Variants in PARP4 observed in about 807,000 individuals in gnomAD.
PARP4 encodes the protein protein mono-ADP-ribosyltransferase PARP4.
In PARP4, 120 loss-of-function variants were observed where a neutral mutation model predicts 187.7. The observed-to-expected ratio is 0.64, with a 90% CI of 0.55 to 0.74. PARP4 has a LOEUF of 0.74. Among genes scored for constraint, PARP4 ranks in the 30% least tolerant of loss-of-function variants. PARP4 has a pLI of 0.00. For synonymous variants in PARP4, 654 were observed against 740.9 expected (o/e 0.88, Z 1.90); for missense variants, 1,836 against 2,070.5 (o/e 0.89, Z 2.20).
At chr13:24,506,100 C>G (rs1869642996) in intron 1 of PARP4, among the ~76,000 whole-genome samples, 1 of 152,202 alleles carries the variant, frequency 6.6e-6, no homozygotes, top group South Asian at 2.1e-4. Flanking sequence ...TGCCTGGACC[C>G]TCGTGGTGAG....
intron 1 of PARP4, among the ~76,000 whole-genome samples, chr13:24,507,664 C>T (rs1459278922): frequency 1.3e-5 from 2 of 152,244 alleles, no homozygotes; most frequent in Admixed American, 1.3e-4. Flanking sequence ...CCTGTTGCGC[C>T]TGTGTTCAAT....
rs1342485588 is a variant in PARP4, at chr13:24,447,274, C to G, written c.3115-88G>C. 5.6e-6 allele frequency: 5 copies of G among 891,092 alleles called. No homozygotes were observed. In the African/African-American group the frequency reaches 1.1e-4, roughly 19 times the overall value. The allele number at this position is 891,092 out of a possible 1,614,324, so 55.2% of individuals were successfully genotyped here. On this transcript the variant is annotated intron_variant, in intron 25 of 33. Coordinates refer to ENST00000381989, the MANE Select transcript of PARP4 (RefSeq NM_006437.4). The stretch of plus-strand genomic sequence containing the variant: ...TTTAAAATAAAGTATACATTCTATC[C>G]TTTGGGAATTTTATAACTCTGGTAT...
intron 21 of PARP4, 151 bp downstream of exon 21, chr13:24,456,190 A>G: frequency 1.6e-6 from 1 of 622,960 alleles, no homozygotes; most frequent in South Asian, 2.5e-5. Context: ...GCTTGATATC[A>G]TAAATATTTT....
Position 24,435,163 on chromosome 13 carries a change from A to G in PARP4, c.3978T>C (p.Tyr1326=), listed in dbSNP as rs749225669. The G allele has an allele frequency of 6.8e-6, 11 of 1,614,202 alleles. No individual in the cohort carries two copies. The South Asian group carries it at 9.9e-5, about 14-fold the overall frequency. The change falls in exon 31 of 34, where the codon TAT becomes TAC. Residue 1326 remains tyrosine (Y), a synonymous_variant. Transcript: ENST00000381989. ...TGTGAGCGCGGGCAGTCGGGGGAAGATAGGAACCAACGGCCGGAGCCAAAA... is the reference window on the plus strand; with the variant it reads ...TGTGAGCGCGGGCAGTCGGGGGAAGGTAGGAACCAACGGCCGGAGCCAAAA... ...FPILAPAVGS[Y]LPPTARAHSP... is the part of the protein sequence containing the mutation.
At position 24,483,824 on chromosome 13, in the gene PARP4, G is replaced by A. The variant is rs149151593; in HGVS notation, c.1448+829C>T. Among the ~76,000 whole-genome samples, 758 of 152,162 alleles carry A rather than the reference G, an allele frequency of 5.0e-3. 8 individuals are homozygous for A. Among genetic ancestry groups the A allele is most frequent in the African/African-American group, 0.017 (723 of 41,520 alleles). On this transcript the variant is annotated intron_variant, in intron 12 of 33. Transcript: ENST00000381989. ...GTATTTTTATTAGAGATGGGGTTTC[G>A]CCACATTGGCCAGGCTGGTCTCGAA... is the stretch of plus-strand genomic sequence containing the variant.
chr13:24,441,357 A>T (rs1870915711), intron 30 of PARP4, among the ~76,000 whole-genome samples: 1 of 126,468 alleles, frequency 7.9e-6, no homozygotes, highest in African/African-American at 3.1e-5. Context: ...TAGAGACCTA[A>T]GAGGGTTGTC....
chr13:24,471,874 C>T (rs1178906740), intron 15 of PARP4, among the ~76,000 whole-genome samples: 1 of 152,118 alleles, frequency 6.6e-6, no homozygotes, highest in African/African-American at 2.4e-5. Flanking sequence ...ATTGAATAGC[C>T]ACTACACTGA....
At chr13:24,512,425 T>C (rs1282886974) in intron 1 of PARP4, among the ~76,000 whole-genome samples, 2 of 152,206 alleles carry the variant, frequency 1.3e-5, no homozygotes, top group African/African-American at 4.8e-5. Context: ...GTGCGGAGAC[T>C]TGGTGTGACT....
At chr13:24,508,311 T>A (rs111352618) in intron 1 of PARP4, among the ~76,000 whole-genome samples, 5 of 152,334 alleles carry the variant, frequency 3.3e-5, no homozygotes, top group African/African-American at 1.2e-4. Context: ...AAGTCCACCT[T>A]CAGATGGGTC....
Position 24,503,282 on chromosome 13 carries a change from T to C in PARP4, c.132+363A>G, listed in dbSNP as rs190120441. ...CCAGTATATCACCCCAGCGTTGACA[T>C]ACTGGTGAGTGACGACAGTGCGCTT... On this transcript the variant is annotated intron_variant, in intron 2 of 33. Transcript: ENST00000381989. Among the ~76,000 whole-genome samples the C allele has an allele frequency of 2.4e-3, 365 of 152,370 alleles. 1 individual carries two copies. Among genetic ancestry groups the C allele is most frequent in the African/African-American group, 7.6e-3 (318 of 41,600 alleles).
rs768981142 is a variant in PARP4 at position 24,442,676 on chromosome 13, G to C, written c.3457C>G (p.Gln1153Glu). ...TTAATAATCAGAGATTTCAAGGTTT[G>C]TTTTTTCATCTAGGATAGAATAAAA... is the stretch of plus-strand genomic sequence containing the variant. The part of the protein sequence containing the change: ...ENETSHEMKK[Q>E]TLKSLIIKLS... Residue 1153 changes from glutamine (Q) to glutamate (E), a missense_variant, in exon 29 of 34, where the codon CAA becomes GAA. Physicochemically the swap from Gln to Glu is conservative, Grantham distance 29. This residue lies in a region of PARP4 where 47 missense variants were observed against 99.5 expected (regional missense o/e 0.47). Coordinates refer to ENST00000381989, the MANE Select transcript of PARP4 (RefSeq NM_006437.4). 2.6e-6 allele frequency: 4 copies of C among 1,538,696 alleles called. No individual in the cohort carries two copies. In the African/African-American group the frequency reaches 5.4e-5, roughly 21 times the overall value.
chr13:24,469,356 A>C (rs536596546), intron 16 of PARP4, among the ~76,000 whole-genome samples: 1 of 152,364 alleles, frequency 6.6e-6, no homozygotes, highest in Admixed American at 6.5e-5. Flanking sequence ...ATAGTGAAAA[A>C]AATTTTTCTG....
intron 3 of PARP4, 102 bp downstream of exon 3, chr13:24,501,531 T>G: frequency 1.3e-6 from 1 of 774,360 alleles, no homozygotes; most frequent in South Asian, 1.7e-5. Flanking sequence ...CTAATTTTTT[T>G]TTAGTATTTC....
chr13:24,428,763 G>A (rs188065378), intron 32 of PARP4, among the ~76,000 whole-genome samples: 12 of 152,308 alleles, frequency 7.9e-5, no homozygotes, highest in Admixed American at 5.9e-4. Context: ...GTGAGCCACT[G>A]TGCCTGGCTT....
intron 1 of PARP4, among the ~76,000 whole-genome samples, chr13:24,507,686 A>G (rs1017244550): frequency 2.6e-5 from 4 of 152,154 alleles, no homozygotes; most frequent in Non-Finnish European, 4.4e-5. Flanking sequence ...TCTTCTCCAC[A>G]CTGCAGCTTC....
intron 2 of PARP4, 99 bp downstream of exon 2, chr13:24,503,546 C>T: frequency 1.4e-6 from 2 of 1,391,562 alleles, no homozygotes; most frequent in Admixed American, 1.7e-5. Flanking sequence ...CTCACTCACT[C>T]TCTCCTGCTG....
rs774240843 is a variant in PARP4, at chr13:24,493,693, T to C, written c.782A>G (p.Gln261Arg). The C allele has an allele frequency of 1.2e-6, 2 of 1,613,996 alleles. No homozygotes were observed. The highest frequency in any genetic ancestry group is 2.2e-5 in the East Asian group (1 of 44,884). The change falls in exon 8 of 34, where the codon CAA becomes CGA. Residue 261 changes from glutamine to arginine, a missense_variant. Around this residue, in one of 8 missense-constraint regions of PARP4, gnomAD observed 1,147 missense variants for 1,214.2 expected, o/e 0.94. Transcript: ENST00000381989. ...EEVMNSSTLSQEVSDLVEMIW... is the reference protein window; with the variant it reads ...EEVMNSSTLSREVSDLVEMIW... ...CATCTCTACTAAATCGCTCACCTCT[T>C]GGCTCAGAGTGCTTGAATTCATGAC... is the stretch of plus-strand genomic sequence containing the variant.
Position 24,469,966 on chromosome 13 carries a change from G to C in PARP4, c.1974C>G (p.Ile658Met). 1 of 1,613,804 alleles carries C rather than the reference G, an allele frequency of 6.2e-7. No homozygotes were observed. The highest frequency in any genetic ancestry group is 8.5e-7 in the Non-Finnish European group (1 of 1,179,774). Residue 658 changes from isoleucine to methionine, a missense_variant, in exon 16 of 34, where the codon ATC (isoleucine) becomes ATG (methionine). This residue lies in a region of PARP4 where 1,147 missense variants were observed against 1,214.2 expected (regional missense o/e 0.94). Coordinates refer to ENST00000381989, the MANE Select transcript of PARP4 (RefSeq NM_006437.4). ...KSHVPIEAKY[I>M]FPLDDKAAVC... ...CAGCGGCCTTGTCATCCAAAGGAAAGATATATTTTGCCTCAATGGGCACGT... is the reference window on the plus strand; with the variant it reads ...CAGCGGCCTTGTCATCCAAAGGAAACATATATTTTGCCTCAATGGGCACGT...
At chr13:24,440,789 C>T (rs1870888400) in intron 30 of PARP4, among the ~76,000 whole-genome samples, 3 of 152,168 alleles carry the variant, frequency 2.0e-5, no homozygotes, top group African/African-American at 4.8e-5. Context: ...TCTTTGCCAA[C>T]CTGACAGAGT....
Sources: allele counts gnomAD v4.1 joint callset (sites outside exome capture counted in the v4.1 genomes callset), GRCh38; gene constraint gnomAD v4.1.1; regional missense constraint gnomAD v4.1.1; transcripts MANE v1.5; gene names NCBI Gene and HGNC (gene_info 2026-07-23, HGNC 2026-07-21).